AUTS2: variants seen among roughly 807,000 people sequenced by gnomAD.
AUTS2 encodes autism susceptibility gene 2 protein.
Under a neutral mutation model 112.4 loss-of-function variants are expected in AUTS2, and 17 were observed. The observed-to-expected ratio is 0.15, with a 90% CI of 0.10 to 0.23. The LOEUF is 0.23. Among genes scored for constraint, AUTS2 ranks in the 10% least tolerant of loss-of-function variants. The probability of loss-of-function intolerance (pLI) is 1.00; values close to 1 mark genes in which losing one functional copy is unlikely to be tolerated. For synonymous variants in AUTS2, 751 were observed against 702.7 expected (o/e 1.07, Z -1.09); for missense variants, 1,510 against 1,701.6 (o/e 0.89, Z 1.98).
chr7:70,373,729 A>T (rs1016475779), intron 4 of AUTS2, among the ~76,000 whole-genome samples: 1 of 152,208 alleles, frequency 6.6e-6, no homozygotes, highest in Admixed American at 6.5e-5. Context: ...AAATGAGTAA[A>T]TTATATAAAA....
chr7:70,011,308 C>T (rs1283964337), intron 2 of AUTS2, among the ~76,000 whole-genome samples: 1 of 147,006 alleles, frequency 6.8e-6, no homozygotes, highest in East Asian at 2.0e-4. Flanking sequence ...CTCTCCTCTC[C>T]TTTCCTCTCT....
At chr7:69,922,494 G>A (rs943027863) in intron 2 of AUTS2, among the ~76,000 whole-genome samples, 13 of 152,152 alleles carry the variant, frequency 8.5e-5, no homozygotes, top group African/African-American at 3.1e-4. Context: ...CCTGGTATGT[G>A]GTATTGATAC....
chr7:69,881,168 A>G (rs1012575488), intron 1 of AUTS2, among the ~76,000 whole-genome samples: 1 of 152,210 alleles, frequency 6.6e-6, no homozygotes. Flanking sequence ...CACAGCCACA[A>G]TGCTAGGTAA....
chr7:70,438,682 G>T (rs747192461), intron 5 of AUTS2, among the ~76,000 whole-genome samples: 3 of 152,148 alleles, frequency 2.0e-5, no homozygotes, highest in Non-Finnish European at 4.4e-5. Context: ...TCGGAGCCTG[G>T]GTCCCTGTCA....
At chr7:69,647,357 C>CTTTTTT (rs200874078) in intron 1 of AUTS2, among the ~76,000 whole-genome samples, 1 of 142,718 alleles carries the variant, frequency 7.0e-6, no homozygotes, top group Non-Finnish European at 1.5e-5. Flanking sequence ...CTTTCACTAT[C>CTTTTTT]TTTTTTTTTT....
At chr7:70,470,107 G>A (rs969307874) in intron 5 of AUTS2, among the ~76,000 whole-genome samples, 1 of 152,218 alleles carries the variant, frequency 6.6e-6, no homozygotes, top group Non-Finnish European at 1.5e-5. Context: ...TTATTTGCCT[G>A]AGGAAAAAAC....
chr7:70,248,498 C>T (rs1813047112), intron 4 of AUTS2, among the ~76,000 whole-genome samples: 1 of 151,946 alleles, frequency 6.6e-6, no homozygotes, highest in South Asian at 2.1e-4. Context: ...TTTCTCAGAC[C>T]TCACAGGGAT....
rs547489868 is a variant in AUTS2, at chr7:70,563,305, T to A, written c.690+127524T>A. 1.4e-4 allele frequency among the ~76,000 whole-genome samples: 21 copies of A among 152,342 alleles called. No homozygotes were observed. In the East Asian group the frequency reaches 4.0e-3, roughly 29 times the overall value. ...AAATTAAACTTTTACCACTTAATGT[T>A]AACATGAAGGAGGTATGTGGTAGCC... is the stretch of plus-strand genomic sequence containing the variant. On this transcript the variant is annotated intron_variant, in intron 5 of 18. Coordinates refer to ENST00000342771, the MANE Select transcript of AUTS2 (RefSeq NM_015570.4).
chr7:70,598,475 A>G (rs2129529522), intron 5 of AUTS2, among the ~76,000 whole-genome samples: 1 of 152,362 alleles, frequency 6.6e-6, no homozygotes, highest in Middle Eastern at 3.4e-3. Flanking sequence ...ACAATTGCCA[A>G]GTTTCCTAAC....
In AUTS2 at chr7:70,721,839, T is replaced by C. The variant is rs117892587; in HGVS notation, c.742+23219T>C. On this transcript the variant is annotated intron_variant, in intron 6 of 18. Coordinates refer to ENST00000342771, the MANE Select transcript of AUTS2 (RefSeq NM_015570.4). ...TTTTTCTACATTTGCTTTAGCTCTC[T>C]TTTTTTTAGATAAGTCATTTCAATG... Among the ~76,000 whole-genome samples, 1,188 of 152,202 alleles carry C rather than the reference T, an allele frequency of 7.8e-3. 8 individuals carry two copies. The highest frequency in any genetic ancestry group is 0.019 in the South Asian group (91 of 4,814).
In AUTS2 at chr7:70,789,977, G is replaced by T. The variant is rs576715792; in HGVS notation, c.2761G>T (p.Gly921Trp). 53 of 1,611,870 alleles carry T rather than the reference G, an allele frequency of 3.3e-5. No individual in the cohort carries two copies. The Admixed American group carries it at 8.9e-4, about 27-fold the overall frequency. Residue 921 changes from glycine to tryptophan, a missense_variant, in exon 19 of 19, where the codon GGG (glycine) becomes TGG (tryptophan). Coordinates refer to ENST00000342771, the MANE Select transcript of AUTS2 (RefSeq NM_015570.4). ...AKEGHLPEKD[G>W]HGHEGRAAGE... ...AGAGGGCCACCTGCCCGAGAAGGAC[G>T]GGCACGGCCACGAGGGGCGCGCCGC...
At chr7:69,834,744 A>C (rs1404714870) in intron 1 of AUTS2, among the ~76,000 whole-genome samples, 2 of 152,216 alleles carry the variant, frequency 1.3e-5, no homozygotes, top group African/African-American at 4.8e-5. Context: ...GGCACTTAGC[A>C]TGACTGCTGG....
chr7:70,291,558 G>A (rs1788709207), intron 4 of AUTS2: 1 of 152,196 alleles, frequency 6.6e-6, no homozygotes, highest in Non-Finnish European at 1.5e-5. Flanking sequence ...TTAGGAAAAT[G>A]TTCACATGGG....
At chr7:70,440,226 TAAAAAAAA>T (rs768717430) in intron 5 of AUTS2, among the ~76,000 whole-genome samples, 5 of 92,834 alleles carry the variant, frequency 5.4e-5, no homozygotes, top group African/African-American at 2.0e-4. Context: ...GCCCTGTCTC[TAAAAAAAA>T]AAAAAAAAAA....
intron 5 of AUTS2, among the ~76,000 whole-genome samples, chr7:70,574,165 C>CA (rs1802063890): frequency 6.6e-6 from 1 of 152,144 alleles, no homozygotes; most frequent in African/African-American, 2.4e-5. Context: ...TGACATTCCC[C>CA]AAGGGCTGTG....
intron 5 of AUTS2, among the ~76,000 whole-genome samples, chr7:70,496,904 ACCC>A (rs1798559791): frequency 8.1e-6 from 1 of 124,208 alleles, no homozygotes; most frequent in Non-Finnish European, 1.7e-5. Flanking sequence ...TCGATCACAC[ACCC>A]CTCACACACA....
intron 4 of AUTS2, among the ~76,000 whole-genome samples, chr7:70,163,043 G>A (rs1247571473): frequency 1.3e-5 from 2 of 152,012 alleles, no homozygotes; most frequent in African/African-American, 4.8e-5. Flanking sequence ...TAAAAGAGAT[G>A]ACTTTGCCTT....
At chr7:69,605,379 A>T (rs1792660735) in intron 1 of AUTS2, among the ~76,000 whole-genome samples, 1 of 152,182 alleles carries the variant, frequency 6.6e-6, no homozygotes, top group Non-Finnish European at 1.5e-5. Flanking sequence ...TTCCTGCCTG[A>T]CATCTGCCTT....
chr7:70,779,513 T>G (rs2049634), intron 14 of AUTS2, among the ~76,000 whole-genome samples: 1 of 152,138 alleles, frequency 6.6e-6, no homozygotes, highest in Non-Finnish European at 1.5e-5. Flanking sequence ...GGGTAGCTTT[T>G]GCTTTCAGTA....
Sources: allele counts gnomAD v4.1 joint callset (sites outside exome capture counted in the v4.1 genomes callset), GRCh38; gene constraint gnomAD v4.1.1; transcripts MANE v1.5; gene names NCBI Gene and HGNC (gene_info 2026-07-23, HGNC 2026-07-21).